Variants in SRD5A2 observed in about 807,000 individuals in gnomAD.
The protein encoded by SRD5A2 is 3-oxo-5-alpha-steroid 4-dehydrogenase 2.
Under a neutral mutation model 27.4 loss-of-function variants are expected in SRD5A2, and 30 were observed. The ratio of observed to expected loss-of-function variants is 1.10; its 90% CI spans 0.82 to 1.49. SRD5A2 has a LOEUF of 1.49. Ranked by LOEUF, SRD5A2 falls within the 40% of genes most tolerant of loss-of-function variation. The pLI is 0.00. For synonymous variants in SRD5A2, 141 were observed against 133.6 expected, an observed-to-expected ratio of 1.06 and a Z score of -0.38; for missense variants, 348 against 323.4, an observed-to-expected ratio of 1.08 and a Z score of -0.58.
At chr2:31,641,707 G>C in the SRD5A2 span, among the ~76,000 whole-genome samples, 1 of 152,032 alleles carries the variant, frequency 6.6e-6, no homozygotes, top group Non-Finnish European at 1.5e-5. Context: ...AGAGTAAAGA[G>C]AAAAGCTATA....
the SRD5A2 span, among the ~76,000 whole-genome samples, chr2:31,631,224 G>T: frequency 1.3e-5 from 2 of 152,138 alleles, no homozygotes; most frequent in South Asian, 2.1e-4. Flanking sequence ...GAGCACAAAG[G>T]CAACGTTGGG....
intron 1 of SRD5A2, among the ~76,000 whole-genome samples, chr2:31,551,727 C>A (rs535816568): frequency 1.3e-5 from 2 of 151,734 alleles, no homozygotes; most frequent in African/African-American, 2.4e-5. Context: ...TACAGAAAGT[C>A]AAAGGAACTT....
chr2:31,560,253 C>A (rs1478876417), intron 1 of SRD5A2, among the ~76,000 whole-genome samples: 1 of 152,104 alleles, frequency 6.6e-6, no homozygotes, highest in Non-Finnish European at 1.5e-5. Context: ...ATTTAGAAAT[C>A]TGTCAAGCAA....
At chr2:31,617,194 T>C in the SRD5A2 span, among the ~76,000 whole-genome samples, 1 of 151,802 alleles carries the variant, frequency 6.6e-6, no homozygotes, top group South Asian at 2.1e-4. Context: ...ATCAGCAGCA[T>C]GAAAACAGAC....
the SRD5A2 span, among the ~76,000 whole-genome samples, chr2:31,601,237 GA>G: frequency 6.6e-6 from 1 of 151,696 alleles, no homozygotes; most frequent in Admixed American, 6.6e-5. Context: ...TGGTAAGGGG[GA>G]TATCTCCTAC....
the SRD5A2 span, among the ~76,000 whole-genome samples, chr2:31,592,275 C>T: frequency 2.0e-5 from 3 of 152,084 alleles, no homozygotes; most frequent in African/African-American, 7.2e-5. Flanking sequence ...CATAACAGAA[C>T]AAACCTGATC....
intron 1 of SRD5A2, among the ~76,000 whole-genome samples, chr2:31,578,664 C>T (rs1278246325): frequency 6.6e-6 from 1 of 152,190 alleles, no homozygotes; most frequent in Non-Finnish European, 1.5e-5. Flanking sequence ...AAGAGTTGTA[C>T]TTCCAGTGGG....
chr2:31,615,077 G>C, the SRD5A2 span, among the ~76,000 whole-genome samples: 1 of 152,208 alleles, frequency 6.6e-6, no homozygotes, highest in Non-Finnish European at 1.5e-5. Flanking sequence ...CAGCCACGTG[G>C]AACTGTGAGT....
At chr2:31,608,299 T>C in the SRD5A2 span, among the ~76,000 whole-genome samples, 1 of 151,958 alleles carries the variant, frequency 6.6e-6, no homozygotes, top group Non-Finnish European at 1.5e-5. Context: ...TTATATACTG[T>C]GAAAGTTATG....
chr2:31,580,472 G>A, intron 1 of SRD5A2, 148 bp downstream of exon 1: 1 of 1,039,044 alleles, frequency 9.6e-7, no homozygotes, highest in East Asian at 2.8e-5. Context: ...GCCCCCGCCA[G>A]GTGCGCCAGG....
At chr2:31,632,224 A>T in the SRD5A2 span, among the ~76,000 whole-genome samples, 1 of 152,180 alleles carries the variant, frequency 6.6e-6, no homozygotes, top group Admixed American at 6.5e-5. Context: ...GCAGAATGGG[A>T]CAAACGACAT....
the SRD5A2 span, among the ~76,000 whole-genome samples, chr2:31,652,721 A>G: frequency 6.6e-6 from 1 of 152,368 alleles, no homozygotes; most frequent in Non-Finnish European, 1.5e-5. Flanking sequence ...CATGGAGAAT[A>G]CATCCAGAAG....
At chr2:31,613,671 C>T in the SRD5A2 span, among the ~76,000 whole-genome samples, 1 of 151,988 alleles carries the variant, frequency 6.6e-6, no homozygotes, top group Non-Finnish European at 1.5e-5. Context: ...TGGGTATGTA[C>T]CTGAATTAGT....
At chr2:31,550,738 C>G (rs1666366183) in intron 1 of SRD5A2, among the ~76,000 whole-genome samples, 1 of 151,798 alleles carries the variant, frequency 6.6e-6, no homozygotes, top group Non-Finnish European at 1.5e-5. Context: ...GGAAAACTTC[C>G]TGAACTTGAT....
the SRD5A2 span, among the ~76,000 whole-genome samples, chr2:31,649,772 C>T: frequency 6.6e-6 from 1 of 151,946 alleles, no homozygotes; most frequent in African/African-American, 2.4e-5. Flanking sequence ...AAGTTTTGTC[C>T]CAAGCCATAG....
chr2:31,624,644 G>T, the SRD5A2 span, among the ~76,000 whole-genome samples: 1 of 152,080 alleles, frequency 6.6e-6, no homozygotes, highest in Non-Finnish European at 1.5e-5. Flanking sequence ...TGCTGAGAAT[G>T]ATGGTTTCCA....
chr2:31,615,099 C>A, the SRD5A2 span, among the ~76,000 whole-genome samples: 1 of 152,064 alleles, frequency 6.6e-6, no homozygotes, highest in South Asian at 2.1e-4. Flanking sequence ...TATTAAATTT[C>A]TTTTTAAAAA....
upstream of SRD5A2, among the ~76,000 whole-genome samples, chr2:31,581,961 G>C (rs562241272): frequency 6.6e-6 from 1 of 152,180 alleles, no homozygotes; most frequent in Admixed American, 6.5e-5. Context: ...CAGCTTCCAG[G>C]CTTTCTTGGC....
the SRD5A2 span, among the ~76,000 whole-genome samples, chr2:31,635,508 CT>C: frequency 9.3e-4 from 141 of 152,076 alleles, no homozygotes; most frequent in Non-Finnish European, 1.7e-3. Flanking sequence ...TGTTTCTTCA[CT>C]TTGTTGATTG....
Sources: gnomAD v4.1 joint callset for allele counts (sites outside exome capture counted in the v4.1 genomes callset) on GRCh38, gnomAD v4.1.1 for gene constraint, MANE v1.5 for transcripts, NCBI Gene and HGNC (gene_info 2026-07-23, HGNC 2026-07-21) for gene names.